LMF1: variants seen among roughly 807,000 people sequenced by gnomAD.
The protein encoded by LMF1 is transmembrane protein 112.
In LMF1, 68 loss-of-function variants were observed where a neutral mutation model predicts 60.6. That is an observed-to-expected ratio of 1.12 (90% CI 0.92 to 1.37). The LOEUF (loss-of-function observed/expected upper bound fraction) is 1.37, where lower values mean the gene tolerates loss of function less well. LMF1 is among the 40% of genes most tolerant of loss of function. LMF1 has a pLI of 0.00. For missense variants in LMF1, 948 were observed against 767.2 expected (o/e 1.24, Z -2.78); for synonymous variants, 418 against 324.7 (o/e 1.29, Z -3.09).
intron 3 of LMF1, among the ~76,000 whole-genome samples, chr16:919,137 A>T (rs1211636040): frequency 6.6e-6 from 1 of 152,056 alleles, no homozygotes; most frequent in Non-Finnish European, 1.5e-5. Context: ...CTCGGGGGAC[A>T]GTCTGTTTTC....
intron 1 of LMF1, chr16:980,252 A>G (rs1226801648): frequency 6.1e-6 from 1 of 163,652 alleles, no homozygotes; most frequent in Non-Finnish European, 1.3e-5. Flanking sequence ...GTTGTTCCCA[A>G]TGCAAAGCAG....
intron 3 of LMF1, among the ~76,000 whole-genome samples, chr16:913,917 C>T (rs544313773): frequency 4.6e-5 from 7 of 152,312 alleles, no homozygotes; most frequent in South Asian, 4.1e-4. Flanking sequence ...GGGATTCTGA[C>T]GCCTCGGTTT....
At chr16:944,450 C>T (rs2072187309) in intron 2 of LMF1, among the ~76,000 whole-genome samples, 1 of 152,244 alleles carries the variant, frequency 6.6e-6, no homozygotes, top group Admixed American at 6.5e-5. Context: ...TCCCTGCCTC[C>T]TGAGCTTGGA....
intron 6 of LMF1, 100 bp from the exon 7 acceptor site, chr16:871,441 G>C: frequency 8.3e-7 from 1 of 1,203,262 alleles, no homozygotes; most frequent in Non-Finnish European, 1.2e-6. Flanking sequence ...GAGGGAACCT[G>C]CACCCAGCTC....
intron 10 of LMF1, among the ~76,000 whole-genome samples, chr16:863,405 G>A (rs939558609): frequency 1.2e-4 from 19 of 152,224 alleles, no homozygotes; most frequent in South Asian, 6.2e-4. Context: ...GCCTCCCAAA[G>A]TGCGGTGATT....
chr16:968,961 T>G (rs989165650), intron 1 of LMF1: 1 of 152,218 alleles, frequency 6.6e-6, no homozygotes, highest in Admixed American at 6.5e-5. Flanking sequence ...GTTTGCTAAG[T>G]GACAGCACCA....
intron 2 of LMF1, among the ~76,000 whole-genome samples, chr16:949,810 C>G (rs1442924647): frequency 2.8e-5 from 3 of 106,058 alleles, no homozygotes; most frequent in African/African-American, 5.1e-5. Context: ...ACAGAGTCAG[C>G]CAATGACAGA....
intron 10 of LMF1, among the ~76,000 whole-genome samples, chr16:859,052 G>A (rs1157831717): frequency 8.9e-6 from 1 of 111,802 alleles, no homozygotes; most frequent in African/African-American, 4.3e-5. Context: ...GTCACGGGAC[G>A]GGTGTGAGTG....
At chr16:863,080 C>G (rs1288986597) in intron 10 of LMF1, among the ~76,000 whole-genome samples, 2 of 152,142 alleles carry the variant, frequency 1.3e-5, no homozygotes. Context: ...AGGAATTGGT[C>G]TATTTCATCC....
chr16:863,515 T>C (rs922974523), intron 10 of LMF1, among the ~76,000 whole-genome samples: 4 of 152,252 alleles, frequency 2.6e-5, no homozygotes, highest in Non-Finnish European at 5.9e-5. Context: ...GCTGATTTTA[T>C]TGGTCTTTTA....
At chr16:969,500 C>T (rs913311562) in intron 1 of LMF1, among the ~76,000 whole-genome samples, 3 of 152,206 alleles carry the variant, frequency 2.0e-5, no homozygotes, top group Non-Finnish European at 4.4e-5. Context: ...CTGAGCATCA[C>T]TCCAGCACAA....
At chr16:898,083 G>A (rs2070712493) in intron 4 of LMF1, among the ~76,000 whole-genome samples, 1 of 152,214 alleles carries the variant, frequency 6.6e-6, no homozygotes, top group Non-Finnish European at 1.5e-5. Flanking sequence ...AGTGAGGTGG[G>A]CCAGGGTCTC....
chr16:951,930 A>T (rs3865202), intron 2 of LMF1, among the ~76,000 whole-genome samples: 72,554 of 151,964 alleles, frequency 0.48, 19,006 homozygotes, highest in African/African-American at 0.7. Flanking sequence ...GGCCTGGGGC[A>T]TCGGGGGCAA....
At chr16:946,344 C>A (rs556918710) in intron 2 of LMF1, among the ~76,000 whole-genome samples, 2 of 152,208 alleles carry the variant, frequency 1.3e-5, no homozygotes, top group South Asian at 4.1e-4. Context: ...CCAGAAACCT[C>A]AGATCCCAAC....
intron 4 of LMF1, 147 bp downstream of exon 4, chr16:910,784 G>T: frequency 2.1e-6 from 2 of 940,526 alleles, no homozygotes; most frequent in Non-Finnish European, 3.1e-6. Context: ...TGAAGGGGCA[G>T]AAGAGTGCGC....
intron 1 of LMF1, chr16:979,287 T>A (rs1281727240): frequency 2.5e-5 from 9 of 360,476 alleles, no homozygotes; most frequent in Non-Finnish European, 1.1e-5. Flanking sequence ...GAAGGGGGGT[T>A]TGTGGGCACC....
intron 5 of LMF1, among the ~76,000 whole-genome samples, chr16:882,613 G>C (rs543476146): frequency 6.6e-6 from 1 of 152,346 alleles, no homozygotes; most frequent in East Asian, 1.9e-4. Context: ...ACAGGACCAG[G>C]AGAAAGTTGC....
At chr16:907,177 G>T (rs1353317245) in intron 4 of LMF1, among the ~76,000 whole-genome samples, 1 of 152,140 alleles carries the variant, frequency 6.6e-6, no homozygotes, top group East Asian at 1.9e-4. Flanking sequence ...TGAGGCAGGT[G>T]GATCACAAGG....
Position 910,993 on chromosome 16 carries a change from G to A in LMF1, c.601C>T (p.Pro201Ser). The A allele has an allele frequency of 1.9e-6, 3 of 1,613,064 alleles. No homozygotes were observed. The highest frequency in any genetic ancestry group is 2.5e-6 in the Non-Finnish European group (3 of 1,179,868). ...WTLSRLPQHT[P>S]TSRIVLWGFR... ...CCCCACAGGACAATCCGGGATGTGG[G>A]GGTATGCTGGGGCAGCCTTGACAGC... Residue 201 changes from proline to serine, a missense_variant, in exon 4 of 11, where the codon CCC (proline) becomes TCC (serine). Pro to Ser is a moderately conservative substitution (Grantham distance 74). Transcript: ENST00000262301.
Sources: allele counts gnomAD v4.1 joint callset (sites outside exome capture counted in the v4.1 genomes callset), GRCh38; gene constraint gnomAD v4.1.1; transcripts MANE v1.5; gene names NCBI Gene and HGNC (gene_info 2026-07-23, HGNC 2026-07-21).